The following ADAMTS19 variants were observed in gnomAD, a reference collection of about 807,000 sequenced individuals.
ADAMTS19 encodes the protein A disintegrin and metalloproteinase with thrombospondin motifs 19.
In ADAMTS19, 93 loss-of-function variants were observed where a neutral mutation model predicts 153.3. The ratio of observed to expected loss-of-function variants is 0.61; its 90% CI spans 0.51 to 0.72. The LOEUF is 0.72. Among genes scored for constraint, ADAMTS19 ranks in the 30% least tolerant of loss-of-function variants. ADAMTS19 has a pLI of 0.00. For synonymous variants in ADAMTS19, 600 were observed against 556.6 expected (o/e 1.08, Z -1.10); for missense variants, 1,482 against 1,552.1 (o/e 0.95, Z 0.76).
chr5:129,680,776 C>CAA (rs551460047), intron 17 of ADAMTS19, among the ~76,000 whole-genome samples: 3 of 135,436 alleles, frequency 2.2e-5, no homozygotes, highest in Middle Eastern at 3.7e-3. Flanking sequence ...AAAAAAAAAA[C>CAA]AAAAAAAAAA....
chr5:129,642,082 C>A, intron 11 of ADAMTS19, 122 bp downstream of exon 11: 1 of 450,400 alleles, frequency 2.2e-6, no homozygotes, highest in Non-Finnish European at 3.9e-6. Flanking sequence ...ACAGTATATA[C>A]AAAAATATTA....
At chr5:129,502,356 G>A (rs1000416930) in intron 2 of ADAMTS19, among the ~76,000 whole-genome samples, 2 of 152,112 alleles carry the variant, frequency 1.3e-5, no homozygotes, top group Non-Finnish European at 2.9e-5. Context: ...CAAAGATAGC[G>A]TGATGTGTCA....
At chr5:129,519,508 C>T (rs542321281) in intron 3 of ADAMTS19, among the ~76,000 whole-genome samples, 9 of 152,138 alleles carry the variant, frequency 5.9e-5, no homozygotes, top group African/African-American at 2.2e-4. Context: ...TGTGTACCTC[C>T]TAGTCCACTG....
At chr5:129,723,505 T>C (rs776576806) in intron 21 of ADAMTS19, among the ~76,000 whole-genome samples, 6 of 152,216 alleles carry the variant, frequency 3.9e-5, no homozygotes, top group Non-Finnish European at 7.3e-5. Flanking sequence ...TCTCATTTAC[T>C]AAACTATTTC....
intron 2 of ADAMTS19, among the ~76,000 whole-genome samples, chr5:129,486,952 G>T (rs909743936): frequency 6.6e-6 from 1 of 152,112 alleles, no homozygotes; most frequent in Non-Finnish European, 1.5e-5. Context: ...ACCACTGAGT[G>T]TGCATGCACA....
chr5:129,592,874 G>T (rs1322092771), intron 7 of ADAMTS19, among the ~76,000 whole-genome samples: 1 of 151,914 alleles, frequency 6.6e-6, no homozygotes, highest in African/African-American at 2.4e-5. Flanking sequence ...AATATATGAT[G>T]GTATGATATT....
intron 15 of ADAMTS19, among the ~76,000 whole-genome samples, chr5:129,664,376 C>A (rs1372912301): frequency 6.6e-6 from 1 of 152,022 alleles, no homozygotes; most frequent in Non-Finnish European, 1.5e-5. Context: ...TTAATTGCTG[C>A]GTATTTTGGT....
chr5:129,600,097 A>G (rs1229704548), intron 8 of ADAMTS19, among the ~76,000 whole-genome samples: 1 of 152,192 alleles, frequency 6.6e-6, no homozygotes, highest in East Asian at 1.9e-4. Context: ...TGTAAGAAGA[A>G]ATGAAGAAAG....
At chr5:129,476,990 A>C (rs964904703) in intron 2 of ADAMTS19, among the ~76,000 whole-genome samples, 1 of 152,158 alleles carries the variant, frequency 6.6e-6, no homozygotes, top group Non-Finnish European at 1.5e-5. Flanking sequence ...CAGGAAGTAA[A>C]AGGGAATGCT....
intron 7 of ADAMTS19, among the ~76,000 whole-genome samples, chr5:129,567,674 T>C (rs1049077615): frequency 2.0e-5 from 3 of 151,572 alleles, no homozygotes; most frequent in Non-Finnish European, 4.4e-5. Context: ...GAAAAAAGAT[T>C]GGGAAAACAA....
chr5:129,638,839 G>A (rs1424728485), intron 10 of ADAMTS19, among the ~76,000 whole-genome samples: 1 of 152,028 alleles, frequency 6.6e-6, no homozygotes, highest in South Asian at 2.1e-4. Flanking sequence ...GGAACTATTT[G>A]CTATAAAGAA....
intron 21 of ADAMTS19, among the ~76,000 whole-genome samples, chr5:129,721,647 G>A (rs1452612625): frequency 6.6e-6 from 1 of 151,772 alleles, no homozygotes; most frequent in African/African-American, 2.4e-5. Context: ...ATGCAGGTTT[G>A]TTACATAGGT....
At chr5:129,583,134 G>A (rs954829830) in intron 7 of ADAMTS19, among the ~76,000 whole-genome samples, 1 of 152,104 alleles carries the variant, frequency 6.6e-6, no homozygotes, top group Non-Finnish European at 1.5e-5. Flanking sequence ...GCATTTGCTT[G>A]TCTGTAAAGG....
At chr5:129,718,820 C>CT (rs1415202466) in intron 21 of ADAMTS19, among the ~76,000 whole-genome samples, 1 of 152,138 alleles carries the variant, frequency 6.6e-6, no homozygotes, top group Non-Finnish European at 1.5e-5. Context: ...ATAAGATTGT[C>CT]TATTATATTG....
chr5:129,479,626 T>C (rs562490887), intron 2 of ADAMTS19, among the ~76,000 whole-genome samples: 1 of 152,238 alleles, frequency 6.6e-6, no homozygotes, highest in South Asian at 2.1e-4. Flanking sequence ...GGATACAAGT[T>C]TCATGTACAA....
At chr5:129,588,134 A>G (rs764622981) in intron 7 of ADAMTS19, among the ~76,000 whole-genome samples, 1 of 152,156 alleles carries the variant, frequency 6.6e-6, no homozygotes, top group Non-Finnish European at 1.5e-5. Flanking sequence ...TAATGAATGG[A>G]TACGTTTACT....
At chr5:129,478,173 G>C (rs935736746) in intron 2 of ADAMTS19, among the ~76,000 whole-genome samples, 7 of 152,154 alleles carry the variant, frequency 4.6e-5, no homozygotes, top group Admixed American at 3.3e-4. Context: ...ACAAATGCTT[G>C]TGTGTAAATC....
At chr5:129,602,392 A>G (rs890258691) in intron 8 of ADAMTS19, among the ~76,000 whole-genome samples, 3 of 152,150 alleles carry the variant, frequency 2.0e-5, no homozygotes, top group African/African-American at 7.2e-5. Context: ...GCCTTACACA[A>G]TATTTTTAAA....
At chr5:129,695,050 G>C (rs372450667) in intron 19 of ADAMTS19, among the ~76,000 whole-genome samples, 195 bp downstream of exon 19, 1 of 152,096 alleles carries the variant, frequency 6.6e-6, no homozygotes, top group Non-Finnish European at 1.5e-5. Flanking sequence ...CTTAAGGAAG[G>C]GGTATTGGGA....
Sources: gnomAD v4.1 joint callset for allele counts (sites outside exome capture counted in the v4.1 genomes callset) on GRCh38, gnomAD v4.1.1 for gene constraint, MANE v1.5 for transcripts, NCBI Gene and HGNC (gene_info 2026-07-23, HGNC 2026-07-21) for gene names.